The following SLC8A1 variants were observed in gnomAD, a reference collection of about 807,000 sequenced individuals.
SLC8A1 encodes solute carrier family 8 member A1.
In SLC8A1, 18 loss-of-function variants were observed where a neutral mutation model predicts 68.3. That is an observed-to-expected ratio of 0.26 (90% CI 0.18 to 0.39). SLC8A1 has a LOEUF of 0.39. Ranked by LOEUF, SLC8A1 falls within the 10% of genes least tolerant of loss-of-function variation. SLC8A1 has a pLI of 1.00. For synonymous variants in SLC8A1, 475 were observed against 415.5 expected, an observed-to-expected ratio of 1.14 and a Z score of -1.74; for missense variants, 985 against 1,156.7, an observed-to-expected ratio of 0.85 and a Z score of 2.15.
chr2:40,315,438 A>AT (rs71406056), intron 2 of SLC8A1, among the ~76,000 whole-genome samples: 6,456 of 138,378 alleles, frequency 0.047, 502 homozygotes, highest in African/African-American at 0.16. Flanking sequence ...TTTCCTAAGA[A>AT]TTTTTTTTTT....
intron 2 of SLC8A1, among the ~76,000 whole-genome samples, chr2:40,317,094 T>A (rs2074559410): frequency 1.3e-5 from 2 of 151,984 alleles, no homozygotes; most frequent in South Asian, 4.1e-4. Context: ...TAAAAATACA[T>A]CTCCTAGAAT....
chr2:40,359,931 TAA>T (rs11320388), intron 2 of SLC8A1, among the ~76,000 whole-genome samples: 1,485 of 141,768 alleles, frequency 0.01, 16 homozygotes, highest in African/African-American at 0.028. Context: ...GAGTTTAACT[TAA>T]AAAAAAAAAA....
chr2:40,303,861 C>T (rs1259904638), intron 2 of SLC8A1, among the ~76,000 whole-genome samples: 1 of 152,126 alleles, frequency 6.6e-6, no homozygotes, highest in Non-Finnish European at 1.5e-5. Context: ...AAAAGGAAGG[C>T]CAGTTGCTCT....
intron 2 of SLC8A1, among the ~76,000 whole-genome samples, chr2:40,233,590 CTTTAT>C (rs2059971541): frequency 7.2e-6 from 1 of 139,294 alleles, no homozygotes; most frequent in Non-Finnish European, 1.6e-5. Flanking sequence ...TGCAGAAGCT[CTTTAT>C]TTTAATTAGT....
intron 2 of SLC8A1, among the ~76,000 whole-genome samples, chr2:40,258,052 T>A (rs377212011): frequency 2.6e-5 from 4 of 152,168 alleles, no homozygotes; most frequent in African/African-American, 9.7e-5. Flanking sequence ...GCAAACAGAA[T>A]GCCAAACAAT....
chr2:40,310,635 C>G (rs1043039629), intron 2 of SLC8A1, among the ~76,000 whole-genome samples: 9 of 152,098 alleles, frequency 5.9e-5, no homozygotes, highest in African/African-American at 2.2e-4. Flanking sequence ...GAGCTATATT[C>G]TTTAGCACCA....
intron 2 of SLC8A1, among the ~76,000 whole-genome samples, chr2:40,337,052 A>C (rs1666192062): frequency 6.6e-6 from 1 of 152,184 alleles, no homozygotes. Context: ...TCTAGAAGCC[A>C]ACCAATTTTT....
At chr2:40,444,311 C>G (rs573637534) in intron 1 of SLC8A1, among the ~76,000 whole-genome samples, 32 of 152,278 alleles carry the variant, frequency 2.1e-4, no homozygotes, top group African/African-American at 7.2e-4. Flanking sequence ...TGCACCCCAG[C>G]CTGGGTGACA....
intron 2 of SLC8A1, among the ~76,000 whole-genome samples, chr2:40,418,076 A>C (rs2149730355): frequency 6.6e-6 from 1 of 152,322 alleles, no homozygotes; most frequent in Non-Finnish European, 1.5e-5. Flanking sequence ...GAAGTCATGA[A>C]ATATTGAGAA....
At chr2:40,302,580 C>CAT (rs982221056) in intron 2 of SLC8A1, among the ~76,000 whole-genome samples, 1 of 147,206 alleles carries the variant, frequency 6.8e-6, no homozygotes, top group East Asian at 2.0e-4. Flanking sequence ...ACATATATAT[C>CAT]ATATATATAC....
chr2:40,385,963 T>TG (rs1683422405), intron 2 of SLC8A1, among the ~76,000 whole-genome samples: 2 of 150,676 alleles, frequency 1.3e-5, no homozygotes, highest in Non-Finnish European at 2.9e-5. Context: ...GTAAACCTTC[T>TG]GAATTATAAT....
At position 40,281,874 on chromosome 2, in the gene SLC8A1, T is replaced by C. The variant is rs74801845; in HGVS notation, c.1809-104019A>G. ...GGAAGTGATTCTTCATCCTGGGGCT[T>C]TTTGAAGACTCTGTCTTCACTTGAA... On this transcript the variant is annotated intron_variant, in intron 2 of 7. Transcript: ENST00000406785. 9.1e-3 allele frequency among the ~76,000 whole-genome samples: 1,379 copies of C among 152,302 alleles called. 43 individuals are homozygous for C. Among genetic ancestry groups the C allele is most frequent in the Non-Finnish European group, 6.0e-3 (408 of 68,020 alleles).
intron 2 of SLC8A1, among the ~76,000 whole-genome samples, chr2:40,217,154 T>C (rs1259642309): frequency 6.6e-6 from 1 of 152,164 alleles, no homozygotes; most frequent in African/African-American, 2.4e-5. Context: ...CCATCTTGAG[T>C]TGATTTTTGT....
intron 2 of SLC8A1, among the ~76,000 whole-genome samples, chr2:40,415,312 G>A (rs769604292): frequency 3.9e-5 from 6 of 151,972 alleles, no homozygotes; most frequent in East Asian, 1.9e-4. Context: ...AATTGGTAAC[G>A]GTTTTGACTG....
chr2:40,509,785 CTAACTA>C (rs1706596634), intron 1 of SLC8A1, among the ~76,000 whole-genome samples: 1 of 151,364 alleles, frequency 6.6e-6, no homozygotes, highest in East Asian at 1.9e-4. Flanking sequence ...CATACCTCAG[CTAACTA>C]TAACAAGATC....
intron 1 of SLC8A1, among the ~76,000 whole-genome samples, chr2:40,487,904 G>T (rs375413216): frequency 6.6e-6 from 1 of 152,160 alleles, no homozygotes; most frequent in African/African-American, 2.4e-5. Context: ...TTCATGGACA[G>T]ATAACACCAT....
In SLC8A1 at chr2:40,338,139, C is replaced by A. The variant is rs540725284; in HGVS notation, c.1808+90334G>T. Among the ~76,000 whole-genome samples the A allele has an allele frequency of 1.9e-4, 29 of 152,174 alleles. No homozygotes were observed. In the South Asian group the frequency reaches 6.0e-3, roughly 32 times the overall value. The stretch of plus-strand genomic sequence containing the variant: ...CCTCTCCCTCTCTCTCTCCCTTTAT[C>A]CAATAAGGCTACAATTCAGCCAGTA... On this transcript the variant is annotated intron_variant, in intron 2 of 7. Transcript: ENST00000406785.
At chr2:40,289,850 G>C (rs902874969) in intron 2 of SLC8A1, among the ~76,000 whole-genome samples, 1 of 150,832 alleles carries the variant, frequency 6.6e-6, no homozygotes, top group Non-Finnish European at 1.5e-5. Flanking sequence ...GACAGAGCGA[G>C]ACTCAGTCTC....
At chr2:40,144,560 C>G (rs571260390) in intron 6 of SLC8A1, among the ~76,000 whole-genome samples, 4 of 151,432 alleles carry the variant, frequency 2.6e-5, no homozygotes, top group African/African-American at 7.3e-5. Flanking sequence ...TATATAGATA[C>G]AGTGGTACCT....
Sources: allele counts gnomAD v4.1 joint callset (sites outside exome capture counted in the v4.1 genomes callset), GRCh38; gene constraint gnomAD v4.1.1; transcripts MANE v1.5; gene names NCBI Gene and HGNC (gene_info 2026-07-23, HGNC 2026-07-21).